MIA2: variants seen among roughly 807,000 people sequenced by gnomAD.
The protein encoded by MIA2 is MIA SH3 domain ER export factor 2.
A neutral mutation model predicts 167.8 loss-of-function variants in MIA2; 127 were observed. The observed-to-expected ratio is 0.76, with a 90% CI of 0.66 to 0.88. The LOEUF (loss-of-function observed/expected upper bound fraction) is 0.88, where lower values mean the gene tolerates loss of function less well. MIA2 is among the 40% of genes least tolerant of loss of function. The pLI is 0.00. For missense variants in MIA2, 1,690 were observed against 1,624.7 expected (o/e 1.04, Z -0.69); for synonymous variants, 552 against 541.9 (o/e 1.02, Z -0.26).
chr14:39,385,707 CAGACT>C (rs2075261753), intron 23 of MIA2: 1 of 991,458 alleles, frequency 1.0e-6, no homozygotes, highest in Non-Finnish European at 1.6e-6. Context: ...ACAGTGGTAA[CAGACT>C]ATAGTCCTTC....
chr14:39,276,750 T>C (rs910462771), intron 6 of MIA2, 184 bp from the exon 7 acceptor site: 5 of 563,248 alleles, frequency 8.9e-6, no homozygotes, highest in African/African-American at 7.6e-5. Context: ...CATTTCACCA[T>C]ACTGCTGTTC....
At chr14:39,321,630 T>C (rs2066459222) in intron 24 of MIA2, among the ~76,000 whole-genome samples, 1 of 151,990 alleles carries the variant, frequency 6.6e-6, no homozygotes, top group Non-Finnish European at 1.5e-5. Flanking sequence ...AACGTATCTT[T>C]TTAAACCATA....
Position 39,234,078 on chromosome 14 carries a change from T to A in MIA2, c.-37T>A. ...ATCTCTACAACCTGAACAATTGGCT[T>A]AAACTTCACTTGGGATTCCCGGTTG... On this transcript the variant is annotated 5_prime_UTR_variant, in exon 1 of 29. Coordinates refer to ENST00000640607, the MANE Select transcript of MIA2 (RefSeq NM_001329214.4). The A allele has an allele frequency of 7.1e-7, 1 of 1,401,218 alleles. No individual in the cohort carries two copies. The highest frequency in any genetic ancestry group is 1.0e-6 in the Non-Finnish European group (1 of 999,572). The allele number at this position is 1,401,218 out of a possible 1,614,324, so 86.8% of individuals were successfully genotyped here. A position where few individuals can be genotyped will look rare whatever the true frequency, so the allele number is the denominator to read the frequency against.
chr14:39,243,082 C>T (rs1298409641), intron 3 of MIA2, among the ~76,000 whole-genome samples: 1 of 149,828 alleles, frequency 6.7e-6, no homozygotes, highest in Non-Finnish European at 1.5e-5. Context: ...AAGATTGCTC[C>T]ACTGCACTCC....
chr14:39,324,601 TTC>T (rs991178926), intron 24 of MIA2, among the ~76,000 whole-genome samples: 3 of 152,082 alleles, frequency 2.0e-5, no homozygotes, highest in African/African-American at 7.2e-5. Flanking sequence ...TTTGTTAGAC[TTC>T]TTTTTTTTTT....
chr14:39,358,742 C>A (rs1283451345), intron 23 of MIA2, among the ~76,000 whole-genome samples: 1 of 152,130 alleles, frequency 6.6e-6, no homozygotes, highest in African/African-American at 2.4e-5. Flanking sequence ...TGTTTATGTC[C>A]TTTCTGTTTG....
At chr14:39,273,961 G>A (rs2057551529) in intron 6 of MIA2, among the ~76,000 whole-genome samples, 1 of 152,184 alleles carries the variant, frequency 6.6e-6, no homozygotes, top group Admixed American at 6.5e-5. Flanking sequence ...TTATAGTCAA[G>A]TATTCACAGG....
intron 21 of MIA2, among the ~76,000 whole-genome samples, chr14:39,317,336 G>C (rs2065662269): frequency 6.6e-6 from 1 of 152,202 alleles, no homozygotes; most frequent in South Asian, 2.1e-4. Context: ...GGTCTGGGCA[G>C]AAGACAGTTA....
chr14:39,369,685 C>T (rs992010499), intron 23 of MIA2, among the ~76,000 whole-genome samples: 6 of 152,056 alleles, frequency 3.9e-5, no homozygotes, highest in African/African-American at 1.2e-4. Flanking sequence ...GTGTTTTTTT[C>T]AGTGGGGTCT....
chr14:39,299,882 G>A lies in MIA2; in HGVS notation c.2515G>A (p.Val839Ile). Residue 839 changes from valine (V) to isoleucine (I), a missense_variant, in exon 14 of 29, where the codon GTA becomes ATA. Transcript: ENST00000640607. ...SQKQLLQEAEVWKEQVSELNK... is the reference protein window; with the variant it reads ...SQKQLLQEAEIWKEQVSELNK... Reference sequence around the variant, plus strand: ...TTTTCAGCTTTTGCAAGAAGCTGAAGTATGGAAAGAACAAGTGAGTGAACT... The same window carrying A: ...TTTTCAGCTTTTGCAAGAAGCTGAAATATGGAAAGAACAAGTGAGTGAACT... 6.2e-7 allele frequency: 1 copy of A among 1,605,724 alleles called. No individual in the cohort carries two copies. The highest frequency in any genetic ancestry group is 8.5e-7 in the Non-Finnish European group (1 of 1,177,962).
At chr14:39,355,018 G>T (rs2074484536), downstream of MIA2, among the ~76,000 whole-genome samples, 1 of 152,030 alleles carries the variant, frequency 6.6e-6, no homozygotes, top group Non-Finnish European at 1.5e-5. Context: ...TTGTTCTTTT[G>T]GCTTAGGATT....
chr14:39,328,410 T>C (rs1220338887), intron 25 of MIA2, among the ~76,000 whole-genome samples: 1 of 152,214 alleles, frequency 6.6e-6, no homozygotes, highest in Non-Finnish European at 1.5e-5. Context: ...TCCCATTCTG[T>C]AGGTTGCCTG....
At chr14:39,380,705 A>T (rs1335374639) in intron 23 of MIA2, among the ~76,000 whole-genome samples, 1 of 146,668 alleles carries the variant, frequency 6.8e-6, no homozygotes, top group Non-Finnish European at 1.5e-5. Flanking sequence ...AAAAAAAAAA[A>T]AAAAAAAAAT....
At chr14:39,246,513 T>C (rs2054319150) in intron 3 of MIA2, among the ~76,000 whole-genome samples, 2 of 151,986 alleles carry the variant, frequency 1.3e-5, no homozygotes, top group South Asian at 4.1e-4. Context: ...AGGCCAGAAG[T>C]TCAAGTTCAG....
chr14:39,298,202 G>A (rs1215410051), intron 13 of MIA2, among the ~76,000 whole-genome samples: 2 of 151,600 alleles, frequency 1.3e-5, no homozygotes, highest in Non-Finnish European at 2.9e-5. Flanking sequence ...CTTTACAACT[G>A]TTTTCATCTA....
intron 25 of MIA2, among the ~76,000 whole-genome samples, chr14:39,336,630 A>T (rs1356825738): frequency 6.6e-6 from 1 of 152,214 alleles, no homozygotes; most frequent in Non-Finnish European, 1.5e-5. Flanking sequence ...ATGTGCTTTT[A>T]ATTAGTTTGC....
Position 39,234,039 on chromosome 14 carries a change from C to T in MIA2, c.-76C>T. ...GTTAGTGAAGAGAGTAGAATATCTC[C>T]AGTTTTGGCTGACATCTCTACAACC... On this transcript the variant is annotated 5_prime_UTR_variant, in exon 1 of 29. Coordinates refer to ENST00000640607, the MANE Select transcript of MIA2 (RefSeq NM_001329214.4). The T allele has an allele frequency of 1.2e-6, 1 of 802,296 alleles. No homozygotes were observed. The highest frequency in any genetic ancestry group is 2.0e-6 in the Non-Finnish European group (1 of 496,028). The allele number at this position is 802,296 out of a possible 1,614,324, so 49.7% of individuals were successfully genotyped here.
At chr14:39,317,186 A>G (rs531473545) in intron 21 of MIA2, among the ~76,000 whole-genome samples, 3 of 152,266 alleles carry the variant, frequency 2.0e-5, no homozygotes, top group Admixed American at 1.3e-4. Context: ...AAAGAATTAC[A>G]TATCAGGAAG....
intron 6 of MIA2, chr14:39,266,864 C>T (rs1000514485): frequency 1.3e-6 from 1 of 758,282 alleles, no homozygotes; most frequent in Non-Finnish European, 1.6e-6. Flanking sequence ...TGCGCCGAGA[C>T]GCCTCTAGGA....
Sources: allele counts gnomAD v4.1 joint callset (sites outside exome capture counted in the v4.1 genomes callset), GRCh38; gene constraint gnomAD v4.1.1; transcripts MANE v1.5; gene names NCBI Gene and HGNC (gene_info 2026-07-23, HGNC 2026-07-21).